Variants in AGBL2 observed in about 807,000 individuals in gnomAD.
AGBL2 encodes cytosolic carboxypeptidase 2.
In AGBL2, 87 loss-of-function variants were observed where a neutral mutation model predicts 103.0. The observed-to-expected ratio is 0.84, with a 90% CI of 0.71 to 1.01. The LOEUF (loss-of-function observed/expected upper bound fraction) is 1.01. Ranked by LOEUF, AGBL2 falls within the 50% of genes least tolerant of loss-of-function variation. The pLI, the probability that AGBL2 is intolerant of heterozygous loss-of-function variation, is 0.00. For missense variants in AGBL2, 904 were observed against 1,023.5 expected (o/e 0.88, Z 1.59); for synonymous variants, 335 against 356.7 (o/e 0.94, Z 0.69).
chr11:47,711,084 T>TA (rs200827901), intron 3 of AGBL2, among the ~76,000 whole-genome samples: 154 of 148,262 alleles, frequency 1.0e-3, no homozygotes, highest in African/African-American at 3.2e-3. Flanking sequence ...AAAAATAAAT[T>TA]AAAAAAAAAA....
At chr11:47,668,095 G>C (rs2097346384) in intron 15 of AGBL2, among the ~76,000 whole-genome samples, 1 of 150,944 alleles carries the variant, frequency 6.6e-6, no homozygotes, top group South Asian at 2.1e-4. Context: ...TGTAATCCCA[G>C]TTACTCAGGA....
intron 8 of AGBL2, among the ~76,000 whole-genome samples, chr11:47,695,486 A>AAC (rs1554962746): frequency 2.0e-5 from 3 of 150,024 alleles, no homozygotes; most frequent in African/African-American, 4.9e-5. Context: ...AAAAAAAAAA[A>AAC]AAAAAAAAAC....
intron 10 of AGBL2, 40 bp from the exon 11 acceptor site, chr11:47,686,089 A>C: frequency 4.4e-6 from 7 of 1,582,120 alleles, no homozygotes; most frequent in Non-Finnish European, 6.0e-6. Flanking sequence ...GGACACCCAA[A>C]TGCATACAAA....
intron 9 of AGBL2, among the ~76,000 whole-genome samples, chr11:47,691,729 A>AAAATATATATATAT: frequency 2.1e-4 from 1 of 4,850 alleles, no homozygotes; most frequent in African/African-American, 7.2e-4. Context: ...AAAAAAAAAA[A>AAAATATATATATAT]ATATATATAT....
At chr11:47,709,514 G>A (rs2097531004) in intron 4 of AGBL2, among the ~76,000 whole-genome samples, 3 of 152,034 alleles carry the variant, frequency 2.0e-5, no homozygotes, top group African/African-American at 7.2e-5. Context: ...AAGCTAGCTA[G>A]AACTGTTTTC....
chr11:47,665,433 C>A (rs972358819), intron 17 of AGBL2, among the ~76,000 whole-genome samples: 8 of 151,798 alleles, frequency 5.3e-5, no homozygotes, highest in African/African-American at 1.9e-4. Flanking sequence ...TGGACTCAAG[C>A]AGTCCTCCTC....
chr11:47,687,164 A>T (rs1341636417), intron 10 of AGBL2, among the ~76,000 whole-genome samples: 1 of 151,332 alleles, frequency 6.6e-6, no homozygotes, highest in Non-Finnish European at 1.5e-5. Flanking sequence ...TAATAAAAAA[A>T]AATAAAGTTT....
In AGBL2 at chr11:47,705,545, C is replaced by G. The variant is rs2097514771; in HGVS notation, c.376G>C (p.Ala126Pro). 2.4e-6 allele frequency: 1 copy of G among 408,346 alleles called. No homozygotes were observed. The highest frequency in any genetic ancestry group is 3.7e-5 in the Admixed American group (1 of 26,908). 25.3% of individuals were successfully genotyped at this position (408,346 alleles called of 1,614,324 possible). A position where few individuals can be genotyped will look rare whatever the true frequency, so the allele number is the denominator to read the frequency against. ...CCTGTAATCCCAGCTACTCGGAAAG[C>G]TGAGGCAGGAGAATCCTTGAATCTG... is the stretch of plus-strand genomic sequence containing the variant. ...PPRFKDSPASAFRVAGITDSH... is the reference protein window; with the variant it reads ...PPRFKDSPASPFRVAGITDSH... Residue 126 changes from alanine (A) to proline (P), a missense_variant, in exon 6 of 19, where the codon GCT becomes CCT. Transcript: ENST00000525123.
chr11:47,682,650 A>G (rs1414442925), intron 11 of AGBL2, among the ~76,000 whole-genome samples: 1 of 152,058 alleles, frequency 6.6e-6, no homozygotes, highest in Non-Finnish European at 1.5e-5. Flanking sequence ...CCTTACACTA[A>G]TCTTATCACT....
At chr11:47,685,861 T>C in intron 11 of AGBL2, 32 bp downstream of exon 11, 1 of 1,604,582 alleles carries the variant, frequency 6.2e-7, no homozygotes, top group African/African-American at 1.3e-5. Context: ...TGTCCCTAAC[T>C]CAATGGAGAG....
intron 4 of AGBL2, 41 bp from the exon 5 acceptor site, chr11:47,705,958 G>C (rs759043256): frequency 1.9e-6 from 3 of 1,563,284 alleles, no homozygotes; most frequent in Non-Finnish European, 2.6e-6. Context: ...GTCAGGGATC[G>C]TTGTCTTCTT....
intron 2 of AGBL2, 34 bp downstream of exon 2, chr11:47,714,584 G>A (rs766064002): frequency 6.2e-7 from 1 of 1,611,532 alleles, no homozygotes; most frequent in South Asian, 1.1e-5. Context: ...GTTCCCCGAA[G>A]AAATTTCTGT....
At chr11:47,705,379 C>T (rs1002396936) in intron 6 of AGBL2, 142 bp downstream of exon 6, 1 of 162,110 alleles carries the variant, frequency 6.2e-6, no homozygotes, top group Non-Finnish European at 1.3e-5. Context: ...GGCGTGGTGG[C>T]TCAAGCCTGT....
In AGBL2 at chr11:47,676,340, T is replaced by A. The variant is rs186106082; in HGVS notation, c.2147+931A>T. ...ATCTAGAATCCAACCAATTCACACA[T>A]CCCCCCACAACCACTGCTGCTACTC... On this transcript the variant is annotated intron_variant, in intron 14 of 18. Coordinates refer to ENST00000525123, the MANE Select transcript of AGBL2 (RefSeq NM_024783.4). Among the ~76,000 whole-genome samples the A allele has an allele frequency of 2.0e-5, 3 of 152,004 alleles. No homozygotes were observed. In the South Asian group the frequency reaches 6.2e-4, roughly 32 times the overall value.
intron 17 of AGBL2, among the ~76,000 whole-genome samples, chr11:47,664,568 C>T (rs1414493330): frequency 5.3e-5 from 8 of 151,864 alleles, no homozygotes; most frequent in Admixed American, 1.3e-4. Flanking sequence ...TGCACCACCA[C>T]GCCCAGCTAA....
chr11:47,668,920 G>C lies in AGBL2; in HGVS notation c.2148-13C>G. On this transcript the variant is annotated splice_polypyrimidine_tract_variant and intron_variant, in intron 14 of 18. Coordinates refer to ENST00000525123, the MANE Select transcript of AGBL2 (RefSeq NM_024783.4). Reference sequence around the variant, plus strand: ...AGAGCCACTGGTGCTGTTTCCAAAAGAAAAAAAGAAGAGGAAATAACTGTC... The same window carrying C: ...AGAGCCACTGGTGCTGTTTCCAAAACAAAAAAAGAAGAGGAAATAACTGTC... The C allele has an allele frequency of 2.5e-6, 4 of 1,600,124 alleles. No individual in the cohort carries two copies. Among genetic ancestry groups the C allele is most frequent in the Non-Finnish European group, 3.4e-6 (4 of 1,169,614 alleles).
chr11:47,711,185 TCTG>T (rs2135038419), intron 3 of AGBL2, among the ~76,000 whole-genome samples: 1 of 152,248 alleles, frequency 6.6e-6, no homozygotes, highest in African/African-American at 2.4e-5. Flanking sequence ...GGGACTCCTC[TCTG>T]GAATTCCTTC....
intron 3 of AGBL2, among the ~76,000 whole-genome samples, chr11:47,711,638 T>C (rs2097536663): frequency 6.6e-6 from 1 of 152,120 alleles, no homozygotes; most frequent in Admixed American, 6.5e-5. Flanking sequence ...GGTTCAAGCA[T>C]TTCTCCTGCC....
At chr11:47,704,990 T>G (rs1194860834) in intron 6 of AGBL2, 2 of 300,580 alleles carry the variant, frequency 6.7e-6, no homozygotes, top group Non-Finnish European at 1.2e-5. Context: ...AAAATTAAAT[T>G]TAATGGTCCA....
Sources: gnomAD v4.1 joint callset for allele counts (sites outside exome capture counted in the v4.1 genomes callset) on GRCh38, gnomAD v4.1.1 for gene constraint, MANE v1.5 for transcripts, NCBI Gene and HGNC (gene_info 2026-07-23, HGNC 2026-07-21) for gene names.